Variants in B3GALT1 observed in about 807,000 individuals in gnomAD.
B3GALT1 encodes the protein beta-1,3-galactosyltransferase 1, also known as UDP-Gal:betaGlcNAc beta 1,3-galactosyltransferase, polypeptide 1.
Under a neutral mutation model 23.2 loss-of-function variants are expected in B3GALT1, and 10 were observed. The ratio of observed to expected loss-of-function variants is 0.43; its 90% CI spans 0.27 to 0.73. The LOEUF is 0.73. B3GALT1 is among the 30% of genes least tolerant of loss of function. The pLI is 0.21. For missense variants in B3GALT1, 299 were observed against 405.4 expected (o/e 0.74, Z 2.25); for synonymous variants, 156 against 141.5 (o/e 1.10, Z -0.73).
intron 2 of B3GALT1, among the ~76,000 whole-genome samples, chr2:167,642,619 A>G (rs187279046): frequency 5.4e-4 from 83 of 152,304 alleles, no homozygotes; most frequent in Admixed American, 1.8e-3. Flanking sequence ...GCTCATGCCT[A>G]TAATCCCAGC....
intron 1 of B3GALT1, among the ~76,000 whole-genome samples, chr2:167,410,249 A>G (rs867785033): frequency 1.4e-4 from 21 of 152,174 alleles, no homozygotes; most frequent in Admixed American, 3.3e-4. Context: ...CACACGTGTA[A>G]TCCCAGCACT....
intron 1 of B3GALT1, among the ~76,000 whole-genome samples, chr2:167,384,704 A>T (rs1481392614): frequency 6.6e-6 from 1 of 152,016 alleles, no homozygotes; most frequent in Admixed American, 6.6e-5. Context: ...TCTTTCTTGC[A>T]TTATTGCCAT....
chr2:167,836,406 C>T lies in B3GALT1; in HGVS notation c.-230+17613C>T, dbSNP rs550930802. 4.1e-4 allele frequency among the ~76,000 whole-genome samples: 60 copies of T among 147,788 alleles called. 1 individual carries two copies. The South Asian group carries it at 0.011, about 26-fold the overall frequency. On this transcript the variant is annotated intron_variant, in intron 4 of 4. Transcript: ENST00000392690. ...CAGAAGCCTCAGGAGCCGATGCGAT[C>T]AACTGGAAGAAAGGGTATCAGCAAT... is the stretch of plus-strand genomic sequence containing the variant.
chr2:167,304,184 A>G (rs1696507439), intron 1 of B3GALT1, among the ~76,000 whole-genome samples: 1 of 152,190 alleles, frequency 6.6e-6, no homozygotes, highest in South Asian at 2.1e-4. Flanking sequence ...CCCTGCAGAT[A>G]CAGGAGATAA....
At chr2:167,452,593 G>A (rs940570424) in intron 1 of B3GALT1, among the ~76,000 whole-genome samples, 13 of 152,180 alleles carry the variant, frequency 8.5e-5, no homozygotes, top group Admixed American at 2.6e-4. Flanking sequence ...CCCTTGAAGA[G>A]TCTGTGGATT....
Position 167,438,133 on chromosome 2 carries a change from G to A in B3GALT1, c.-510-52044G>A, listed in dbSNP as rs369885954. ...ACCTATAAAAGATGACAGAAAAGAT[G>A]AAAAGGAATTCTTAATTAAAGAGAT... On this transcript the variant is annotated intron_variant, in intron 1 of 4. Transcript: ENST00000392690. Among the ~76,000 whole-genome samples, 5 of 152,318 alleles carry A rather than the reference G, an allele frequency of 3.3e-5. No homozygotes were observed. The South Asian group carries it at 6.2e-4, about 19-fold the overall frequency.
At chr2:167,325,668 T>G (rs1382133878) in intron 1 of B3GALT1, among the ~76,000 whole-genome samples, 2 of 151,002 alleles carry the variant, frequency 1.3e-5, no homozygotes, top group Admixed American at 1.3e-4. Flanking sequence ...GGTAGTTCTG[T>G]TTTTAGTTTT....
At chr2:167,814,296 C>T (rs1228622705) in intron 3 of B3GALT1, among the ~76,000 whole-genome samples, 1 of 152,110 alleles carries the variant, frequency 6.6e-6, no homozygotes, top group Non-Finnish European at 1.5e-5. Flanking sequence ...GCTTAGTTGC[C>T]TCTTTCAGAA....
intron 1 of B3GALT1, among the ~76,000 whole-genome samples, chr2:167,397,147 T>A (rs1203931524): frequency 6.6e-6 from 1 of 152,026 alleles, no homozygotes; most frequent in East Asian, 1.9e-4. Context: ...TTAGGTGAAA[T>A]CTGCTTTTTG....
intron 2 of B3GALT1, among the ~76,000 whole-genome samples, chr2:167,637,570 C>T (rs1055080008): frequency 6.6e-6 from 1 of 151,936 alleles, no homozygotes; most frequent in African/African-American, 2.4e-5. Context: ...ACTGTAGTCA[C>T]TCTACTCTGC....
chr2:167,838,016 C>T lies in B3GALT1; in HGVS notation c.-230+19223C>T, dbSNP rs1379067288. On this transcript the variant is annotated intron_variant, in intron 4 of 4. Transcript: ENST00000392690. Reference sequence around the variant, plus strand: ...ACAACATACCAGAATCTCTGGGACACATTCAAAGCAGTGTGTAGAGGGAAA... The same window carrying T: ...ACAACATACCAGAATCTCTGGGACATATTCAAAGCAGTGTGTAGAGGGAAA... Among the ~76,000 whole-genome samples, 7 of 151,118 alleles carry T rather than the reference C, an allele frequency of 4.6e-5. No homozygotes were observed. The South Asian group carries it at 1.3e-3, about 27-fold the overall frequency.
chr2:167,496,843 A>G (rs1019571809), intron 2 of B3GALT1, among the ~76,000 whole-genome samples: 4 of 152,142 alleles, frequency 2.6e-5, no homozygotes, highest in Admixed American at 2.6e-4. Context: ...TGAAACATTG[A>G]CACTCTGTAA....
chr2:167,841,031 G>T (rs1256799347), intron 4 of B3GALT1, among the ~76,000 whole-genome samples: 3 of 109,564 alleles, frequency 2.7e-5, no homozygotes, highest in Non-Finnish European at 3.6e-5. Context: ...GTTGTGGGGT[G>T]GGGGGAGGGG....
chr2:167,543,175 G>T (rs908419341), intron 2 of B3GALT1, among the ~76,000 whole-genome samples: 1 of 152,200 alleles, frequency 6.6e-6, no homozygotes, highest in African/African-American at 2.4e-5. Flanking sequence ...GATTTATCCT[G>T]TAAAACAGAG....
At chr2:167,827,723 A>C (rs1233078023) in intron 4 of B3GALT1, among the ~76,000 whole-genome samples, 1 of 152,242 alleles carries the variant, frequency 6.6e-6, no homozygotes, top group Non-Finnish European at 1.5e-5. Flanking sequence ...CCACTGAGCA[A>C]ACTGGAATGG....
intron 1 of B3GALT1, among the ~76,000 whole-genome samples, chr2:167,387,246 A>G (rs1345115858): frequency 1.3e-5 from 2 of 152,222 alleles, no homozygotes; most frequent in Non-Finnish European, 2.9e-5. Context: ...AAATAGAAAA[A>G]TACATGTAAA....
intron 1 of B3GALT1, among the ~76,000 whole-genome samples, chr2:167,328,896 TC>T (rs1156655850): frequency 4.6e-5 from 7 of 152,202 alleles, no homozygotes; most frequent in Non-Finnish European, 1.0e-4. Context: ...CACTGCAAGC[TC>T]CGCCTCCTAG....
At chr2:167,602,348 A>G (rs1054468079) in intron 2 of B3GALT1, among the ~76,000 whole-genome samples, 1 of 152,184 alleles carries the variant, frequency 6.6e-6, no homozygotes, top group African/African-American at 2.4e-5. Flanking sequence ...GTGCCACACA[A>G]TTGAACAGTT....
intron 1 of B3GALT1, among the ~76,000 whole-genome samples, chr2:167,403,059 G>A (rs1020991833): frequency 4.0e-5 from 6 of 151,130 alleles, no homozygotes; most frequent in Non-Finnish European, 8.8e-5. Context: ...TAAGTTCTAG[G>A]GTACATGTGC....
Sources: gnomAD v4.1 joint callset for allele counts (sites outside exome capture counted in the v4.1 genomes callset) on GRCh38, gnomAD v4.1.1 for gene constraint, MANE v1.5 for transcripts, NCBI Gene and HGNC (gene_info 2026-07-23, HGNC 2026-07-21) for gene names.